Variants in KIF1B observed in about 807,000 individuals in gnomAD.
KIF1B encodes the protein kinesin-like protein KIF1B.
A neutral mutation model predicts 241.9 loss-of-function variants in KIF1B; 76 were observed. That is an observed-to-expected ratio of 0.31 (90% CI 0.26 to 0.38). The LOEUF (loss-of-function observed/expected upper bound fraction) is 0.38. Ranked by LOEUF, KIF1B falls within the 10% of genes least tolerant of loss-of-function variation. The pLI, the probability that KIF1B is intolerant of heterozygous loss-of-function variation, is 1.00. For missense variants in KIF1B, 1,622 were observed against 2,271.4 expected (o/e 0.71, Z 5.81); for synonymous variants, 750 against 796.7 (o/e 0.94, Z 0.99).
intron 2 of KIF1B, among the ~76,000 whole-genome samples, chr1:10,243,851 T>C (rs1275071770): frequency 1.3e-5 from 2 of 152,214 alleles, no homozygotes; most frequent in African/African-American, 4.8e-5. Flanking sequence ...GGGCAGATGA[T>C]TATCAGTTTA....
chr1:10,381,598 T>A lies in KIF1B; in HGVS notation c.*5011T>A, dbSNP rs997419370. On this transcript the variant is annotated 3_prime_UTR_variant, in exon 49 of 49. Coordinates refer to ENST00000676179, the MANE Select transcript of KIF1B (RefSeq NM_001365951.3). ...AAATAATAAAGGTACAGCCAGTGCA[T>A]CAGAAGGTTCTCGATGTGCATTTAT... 5 of 191,072 alleles carry A rather than the reference T, an allele frequency of 2.6e-5. No individual in the cohort carries two copies. Among genetic ancestry groups the A allele is most frequent in the Non-Finnish European group, 1.1e-5 (1 of 90,944 alleles). The allele number at this position is 191,072 out of a possible 1,614,324, so 11.8% of individuals were successfully genotyped here. A position where few individuals can be genotyped will look rare whatever the true frequency, so the allele number is the denominator to read the frequency against.
At chr1:10,233,242 A>C (rs893826085) in intron 2 of KIF1B, among the ~76,000 whole-genome samples, 3 of 152,196 alleles carry the variant, frequency 2.0e-5, no homozygotes, top group African/African-American at 7.2e-5. Flanking sequence ...CAGGTAGTTC[A>C]CATACAACTT....
At chr1:10,261,787 A>G (rs1648161462) in intron 4 of KIF1B, 118 bp from the exon 5 acceptor site, 4 of 739,232 alleles carry the variant, frequency 5.4e-6, no homozygotes, top group Non-Finnish European at 1.0e-5. Flanking sequence ...TGTTTATGAC[A>G]TAATATATTT....
chr1:10,218,878 T>A (rs1424978335), intron 1 of KIF1B, among the ~76,000 whole-genome samples: 1 of 152,150 alleles, frequency 6.6e-6, no homozygotes, highest in African/African-American at 2.4e-5. Flanking sequence ...AGTTACTACT[T>A]CTAGAAAGGA....
At chr1:10,314,524 A>T (rs1651217966) in intron 22 of KIF1B, among the ~76,000 whole-genome samples, 1 of 149,586 alleles carries the variant, frequency 6.7e-6, no homozygotes, top group Admixed American at 6.6e-5. Context: ...GGCTCAAGTG[A>T]TCCTCCCACC....
chr1:10,289,075 A>G (rs1359195006), intron 15 of KIF1B, among the ~76,000 whole-genome samples: 1 of 152,218 alleles, frequency 6.6e-6, no homozygotes, highest in Non-Finnish European at 1.5e-5. Flanking sequence ...TAGCATCATT[A>G]CTATATTTCA....
chr1:10,360,565 A>G (rs916488720), intron 38 of KIF1B, among the ~76,000 whole-genome samples: 12 of 151,968 alleles, frequency 7.9e-5, no homozygotes, highest in African/African-American at 2.7e-4. Flanking sequence ...GGCGCCTGTA[A>G]TCCCAGCTAC....
In KIF1B at chr1:10,365,564, C is replaced by T. The variant is rs765541693; in HGVS notation, c.4668C>T (p.Ser1556=). Residue 1556 remains serine (S), a synonymous_variant, in exon 43 of 49, where the codon AGC becomes AGT. Coordinates refer to ENST00000676179, the MANE Select transcript of KIF1B (RefSeq NM_001365951.3). This position sits in a 1 kb window ranked among gnomAD's most constrained non-coding sequence, Gnocchi z 4.0. ...SSQISTTTFE[S]AITPSESSGY... ...AGATCTCAACCACTACCTTTGAAAGCGCCATCACACCTAGCGAGAGCAGTG... is the reference window on the plus strand; with the variant it reads ...AGATCTCAACCACTACCTTTGAAAGTGCCATCACACCTAGCGAGAGCAGTG... The T allele has an allele frequency of 5.3e-5, 85 of 1,613,988 alleles. No homozygotes were observed. In the Admixed American group the frequency reaches 1.1e-3, roughly 21 times the overall value.
chr1:10,368,634 G>A, intron 44 of KIF1B, 96 bp downstream of exon 44: 2 of 1,028,350 alleles, frequency 1.9e-6, no homozygotes, highest in Non-Finnish European at 3.1e-6. Context: ...CTGCTTTTAA[G>A]CAACTTGTCA....
At chr1:10,323,330 G>A (rs1279960709) in intron 24 of KIF1B, among the ~76,000 whole-genome samples, 1 of 152,132 alleles carries the variant, frequency 6.6e-6, no homozygotes, top group East Asian at 1.9e-4. Context: ...CAATCAAAAT[G>A]TATTTATAAA....
intron 19 of KIF1B, among the ~76,000 whole-genome samples, chr1:10,296,370 A>G (rs1228514250): frequency 1.3e-5 from 2 of 152,122 alleles, no homozygotes; most frequent in Non-Finnish European, 1.5e-5. Flanking sequence ...AATAGAGTTA[A>G]ATGTTCTTGT....
intron 2 of KIF1B, among the ~76,000 whole-genome samples, chr1:10,237,645 C>T (rs745318866): frequency 1.6e-4 from 24 of 151,980 alleles, no homozygotes; most frequent in Non-Finnish European, 3.1e-4. Flanking sequence ...TTTTCATTCA[C>T]GCATACATTT....
Position 10,365,420 on chromosome 1 carries a change from C to T in KIF1B, c.4524C>T (p.Thr1508=), listed in dbSNP as rs373636782. Residue 1508 remains threonine, a synonymous_variant, in exon 43 of 49, where the codon ACC becomes ACT. Transcript: ENST00000676179. This position sits in a 1 kb window ranked among gnomAD's most constrained non-coding sequence, Gnocchi z 4.0. ...KLELLHEVEK[T]RHFLLLRERL... ...ATTGATCTTCTCAGGTGGAAAAAAC[C>T]CGCCACTTTTTGCTGCTGCGTGAGA... is the stretch of plus-strand genomic sequence containing the variant. The T allele has an allele frequency of 2.2e-4, 357 of 1,614,108 alleles. 1 individual carries two copies. The highest frequency in any genetic ancestry group is 1.8e-3 in the South Asian group (160 of 91,084).
intron 12 of KIF1B, 140 bp downstream of exon 12, chr1:10,276,539 AG>A (rs1649118276): frequency 2.9e-6 from 2 of 694,220 alleles, no homozygotes; most frequent in Non-Finnish European, 5.2e-6. Context: ...GGGAAAACTT[AG>A]GGAAAAAGTG....
At chr1:10,341,069 T>C (rs143267792) in intron 32 of KIF1B, among the ~76,000 whole-genome samples, 369 of 152,338 alleles carry the variant, frequency 2.4e-3, no homozygotes, top group South Asian at 5.4e-3. Context: ...TGCACAAGGA[T>C]TGTGCCTGAC....
intron 2 of KIF1B, among the ~76,000 whole-genome samples, chr1:10,239,013 A>C (rs938136619): frequency 5.3e-5 from 8 of 151,748 alleles, no homozygotes; most frequent in Non-Finnish European, 8.8e-5. Context: ...CCGTGGTGCA[A>C]TCTTGGCTCA....
intron 5 of KIF1B, among the ~76,000 whole-genome samples, chr1:10,263,916 C>T (rs947754362): frequency 1.3e-5 from 2 of 152,090 alleles, no homozygotes; most frequent in Non-Finnish European, 2.9e-5. Flanking sequence ...GCCTTTTTTC[C>T]TGTTTCAAGA....
intron 44 of KIF1B, among the ~76,000 whole-genome samples, chr1:10,370,702 A>G (rs902792788): frequency 2.6e-5 from 4 of 151,864 alleles, no homozygotes; most frequent in Middle Eastern, 6.9e-3. Flanking sequence ...GGAGGGCAGT[A>G]GGAACATAAA....
chr1:10,271,022 G>T (rs1397375152), intron 7 of KIF1B, among the ~76,000 whole-genome samples: 1 of 151,736 alleles, frequency 6.6e-6, no homozygotes, highest in African/African-American at 2.4e-5. Flanking sequence ...GATTGTTCCA[G>T]TTGCTTAAAG....
Sources: gnomAD v4.1 joint callset for allele counts (sites outside exome capture counted in the v4.1 genomes callset) on GRCh38, gnomAD v4.1.1 for gene constraint, Gnocchi (gnomAD v3.1) non-coding constraint, MANE v1.5 for transcripts, NCBI Gene and HGNC (gene_info 2026-07-23, HGNC 2026-07-21) for gene names.